Variants in FARS2 observed in about 807,000 individuals in gnomAD.
FARS2 encodes phenylalanine--tRNA ligase, mitochondrial.
In FARS2, 40 loss-of-function variants were observed where a neutral mutation model predicts 46.4. The observed-to-expected ratio is 0.86, with a 90% CI of 0.67 to 1.12. The LOEUF is 1.12. Among genes scored for constraint, FARS2 ranks in the 50% most tolerant of loss-of-function variants. The pLI is 0.00. For synonymous variants in FARS2, 234 were observed against 214.9 expected, an observed-to-expected ratio of 1.09 and a Z score of -0.78; for missense variants, 513 against 567.9, an observed-to-expected ratio of 0.90 and a Z score of 0.98.
At position 5,566,239 on chromosome 6, in the gene FARS2, G is replaced by A. The variant is rs146529325; in HGVS notation, c.1065+20899G>A. 1.1e-3 allele frequency among the ~76,000 whole-genome samples: 171 copies of A among 152,208 alleles called. 2 individuals carry two copies. The highest frequency in any genetic ancestry group is 1.8e-3 in the Non-Finnish European group (123 of 68,014). ...GGAGTCTCATCTCTCAGTCGGGAGT[G>A]GGGATGTTTCCTTATCTTCCAGGTG... On this transcript the variant is annotated intron_variant, in intron 5 of 6. Transcript: ENST00000274680.
chr6:5,522,783 T>G (rs1161029537), intron 4 of FARS2, among the ~76,000 whole-genome samples: 1 of 152,218 alleles, frequency 6.6e-6, no homozygotes, highest in Non-Finnish European at 1.5e-5. Context: ...AATAGAGAAA[T>G]TGGACCTATT....
chr6:5,287,055 T>A (rs578249117), intron 1 of FARS2, among the ~76,000 whole-genome samples: 3 of 152,378 alleles, frequency 2.0e-5, no homozygotes, highest in South Asian at 2.1e-4. Flanking sequence ...TGTTGAGGGC[T>A]GCCTGTTAGC....
intron 4 of FARS2, among the ~76,000 whole-genome samples, chr6:5,467,492 T>G (rs2150313489): frequency 6.6e-6 from 1 of 152,312 alleles, no homozygotes; most frequent in East Asian, 1.9e-4. Context: ...GAAATGTTAA[T>G]AAAATATTCT....
chr6:5,430,897 T>A (rs767944730), intron 3 of FARS2, 144 bp from the exon 4 acceptor site: 34 of 764,086 alleles, frequency 4.4e-5, no homozygotes, highest in Non-Finnish European at 6.8e-5. Context: ...TGCCTCACCC[T>A]AACATGTTGC....
chr6:5,258,813 T>G (rs1375279417), upstream of FARS2, among the ~76,000 whole-genome samples: 1 of 152,226 alleles, frequency 6.6e-6, no homozygotes, highest in African/African-American at 2.4e-5. Flanking sequence ...GATCTTACAG[T>G]TGCCCATACT....
chr6:5,253,708 A>AAT, the FARS2 span, among the ~76,000 whole-genome samples: 1 of 152,110 alleles, frequency 6.6e-6, no homozygotes, highest in Admixed American at 6.5e-5. Context: ...GCAATCATGG[A>AAT]AACTGATCCT....
intron 5 of FARS2, among the ~76,000 whole-genome samples, chr6:5,572,966 A>G (rs5012511): frequency 0.82 from 125,491 of 152,126 alleles, 51,855 homozygotes; most frequent in East Asian, 0.88. Context: ...ATAGTTCCTC[A>G]TTACTTAAGG....
At chr6:5,331,174 T>C (rs958721190) in intron 1 of FARS2, among the ~76,000 whole-genome samples, 5 of 152,184 alleles carry the variant, frequency 3.3e-5, no homozygotes, top group Non-Finnish European at 5.9e-5. Context: ...TATGATATTT[T>C]CAGTATTTTA....
chr6:5,524,071 C>G (rs577001882), intron 4 of FARS2, among the ~76,000 whole-genome samples: 6 of 151,826 alleles, frequency 4.0e-5, no homozygotes, highest in Non-Finnish European at 7.4e-5. Flanking sequence ...TGCCCAGCCT[C>G]TATTCTTTTT....
intron 6 of FARS2, among the ~76,000 whole-genome samples, chr6:5,720,064 A>G (rs755515104): frequency 2.0e-4 from 30 of 151,830 alleles, no homozygotes; most frequent in Admixed American, 3.9e-4. Context: ...CCTGTTTAGT[A>G]TGCGGTGTAG....
intron 2 of FARS2, among the ~76,000 whole-genome samples, chr6:5,383,222 A>T (rs144442116): frequency 6.6e-6 from 1 of 152,358 alleles, no homozygotes; most frequent in East Asian, 1.9e-4. Context: ...CATTTTTATT[A>T]ATAACTCCTA....
intron 4 of FARS2, among the ~76,000 whole-genome samples, chr6:5,515,621 G>A (rs1315546587): frequency 1.3e-5 from 2 of 152,050 alleles, no homozygotes; most frequent in African/African-American, 4.8e-5. Flanking sequence ...TAGAGAGGGG[G>A]TTTTGCCATG....
At chr6:5,702,377 A>C (rs561235208) in intron 6 of FARS2, among the ~76,000 whole-genome samples, 27 of 152,376 alleles carry the variant, frequency 1.8e-4, no homozygotes, top group African/African-American at 6.5e-4. Context: ...GTGTTTAAAA[A>C]AGTGAACTTT....
At chr6:5,324,876 C>T (rs1217628676) in intron 1 of FARS2, among the ~76,000 whole-genome samples, 1 of 152,074 alleles carries the variant, frequency 6.6e-6, no homozygotes, top group Admixed American at 6.5e-5. Context: ...GAACAGATCC[C>T]ATCCCTCCTC....
chr6:5,706,435 C>G (rs1307491450), intron 6 of FARS2, among the ~76,000 whole-genome samples: 3 of 152,166 alleles, frequency 2.0e-5, no homozygotes, highest in Non-Finnish European at 4.4e-5. Flanking sequence ...TTAAAGTTGG[C>G]CAGTGCTGTC....
At chr6:5,589,576 C>G (rs1158629369) in intron 5 of FARS2, among the ~76,000 whole-genome samples, 1 of 152,238 alleles carries the variant, frequency 6.6e-6, no homozygotes, top group African/African-American at 2.4e-5. Context: ...AGTGCGGCTA[C>G]CTCTGCAGAT....
chr6:5,640,926 T>A (rs1326919402), intron 6 of FARS2, among the ~76,000 whole-genome samples: 2 of 152,224 alleles, frequency 1.3e-5, no homozygotes, highest in African/African-American at 4.8e-5. Flanking sequence ...TAAGAAGCTC[T>A]TATCTTGGCC....
chr6:5,618,302 A>G (rs1561756028), intron 6 of FARS2, among the ~76,000 whole-genome samples: 1 of 152,136 alleles, frequency 6.6e-6, no homozygotes, highest in Non-Finnish European at 1.5e-5. Context: ...CCATCTCCCC[A>G]CCAAGTCCCT....
chr6:5,306,932 C>T (rs1454661616), intron 1 of FARS2, among the ~76,000 whole-genome samples: 1 of 146,240 alleles, frequency 6.8e-6, no homozygotes, highest in Non-Finnish European at 1.5e-5. Context: ...CGAATTTGTT[C>T]TGAAAAACTA....
Sources: allele counts gnomAD v4.1 joint callset (sites outside exome capture counted in the v4.1 genomes callset), GRCh38; gene constraint gnomAD v4.1.1; transcripts MANE v1.5; gene names NCBI Gene and HGNC (gene_info 2026-07-23, HGNC 2026-07-21).